The following RIN3 variants were observed in gnomAD, a reference collection of about 807,000 sequenced individuals.
RIN3 encodes the protein RAB5 interacting protein 3.
A neutral mutation model predicts 76.3 loss-of-function variants in RIN3; 54 were observed. The observed-to-expected ratio is 0.71, with a 90% CI of 0.57 to 0.89. RIN3 has a LOEUF of 0.89. RIN3 is among the 40% of genes least tolerant of loss of function. RIN3 has a pLI of 0.00. For missense variants in RIN3, 1,256 were observed against 1,322.1 expected, an observed-to-expected ratio of 0.95 and a Z score of 0.78; for synonymous variants, 576 against 564.0, an observed-to-expected ratio of 1.02 and a Z score of -0.30.
At position 92,643,694 on chromosome 14, in the gene RIN3, G is replaced by A. The variant is rs940844530; in HGVS notation, c.532+2365G>A. On this transcript the variant is annotated intron_variant, in intron 5 of 9. Coordinates refer to ENST00000216487, the MANE Select transcript of RIN3 (RefSeq NM_024832.5). The surrounding 1 kb of genome is among the most constrained non-coding windows in gnomAD (Gnocchi z 4.8). ...TATAATCTCAGCACTTTGGGAGGCCGAGGCGGGCAGATAACCTGAAGTCAG... is the reference window on the plus strand; with the variant it reads ...TATAATCTCAGCACTTTGGGAGGCCAAGGCGGGCAGATAACCTGAAGTCAG... 5.9e-5 allele frequency among the ~76,000 whole-genome samples: 9 copies of A among 152,172 alleles called. No individual in the cohort carries two copies. Among genetic ancestry groups the A allele is most frequent in the Admixed American group, 1.3e-4 (2 of 15,284 alleles).
chr14:92,681,309 G>A lies in RIN3; in HGVS notation c.2468-3678G>A, dbSNP rs141164037. 0.012 allele frequency among the ~76,000 whole-genome samples: 1,737 copies of A among 143,834 alleles called. 53 individuals are homozygous for A. The highest frequency in any genetic ancestry group is 0.079 in the Admixed American group (1,119 of 14,254). 94.4% of individuals were successfully genotyped at this position (143,834 alleles called of 152,430 possible). On this transcript the variant is annotated intron_variant, in intron 8 of 9. Transcript: ENST00000216487. The surrounding 1 kb of genome is among the most constrained non-coding windows in gnomAD (Gnocchi z 4.7). ...AAAGAGGAAGGCTGGCAGAGAGAGA[G>A]GCCTCACGAAGAAGTCAGACTCCAG...
intron 5 of RIN3, among the ~76,000 whole-genome samples, chr14:92,649,184 T>C (rs1320475650): frequency 6.6e-6 from 1 of 152,192 alleles, no homozygotes; most frequent in Non-Finnish European, 1.5e-5. Flanking sequence ...ACAGCCGTGA[T>C]CTGGGTGAGC....
intron 3 of RIN3, among the ~76,000 whole-genome samples, chr14:92,592,919 C>T (rs1885035148): frequency 6.6e-6 from 1 of 152,008 alleles, no homozygotes; most frequent in Admixed American, 6.6e-5. Flanking sequence ...GATGATCCAC[C>T]TGCCTCGGCC....
At position 92,651,751 on chromosome 14, in the gene RIN3, T is replaced by C. The variant is rs1232397974; in HGVS notation, c.702T>C (p.Phe234=). 2 of 1,613,950 alleles carry C rather than the reference T, an allele frequency of 1.2e-6. No homozygotes were observed. The highest frequency in any genetic ancestry group is 1.7e-6 in the Non-Finnish European group (2 of 1,180,002). The change falls in exon 6 of 10, where the codon TTT becomes TTC. Residue 234 remains phenylalanine (F), a synonymous_variant. Transcript: ENST00000216487. ...ELSVGNDRLW[F]VNPIFIEDCS... Reference sequence around the variant, plus strand: ...CGGTAGGAAATGACCGCCTGTGGTTTGTGAATCCTATTTTCATCGAGGACT... The same window carrying C: ...CGGTAGGAAATGACCGCCTGTGGTTCGTGAATCCTATTTTCATCGAGGACT...
intron 1 of RIN3, among the ~76,000 whole-genome samples, chr14:92,537,908 A>G (rs12889123): frequency 6.6e-6 from 1 of 150,910 alleles, no homozygotes; most frequent in African/African-American, 2.4e-5. Flanking sequence ...GCGACCTTGG[A>G]CCACTGCAGC....
chr14:92,667,475 C>T (rs930985915), intron 7 of RIN3, among the ~76,000 whole-genome samples: 2 of 151,832 alleles, frequency 1.3e-5, no homozygotes, highest in African/African-American at 4.8e-5. Context: ...CAAGATCACA[C>T]CATTGCACTC....
intron 6 of RIN3, 115 bp downstream of exon 6, chr14:92,653,190 A>C: frequency 8.8e-7 from 1 of 1,135,520 alleles, no homozygotes; most frequent in Non-Finnish European, 1.2e-6. Context: ...CCCACCCCCT[A>C]TCCCTTCCTG....
At chr14:92,653,137 C>A (rs554883599) in intron 6 of RIN3, 62 bp downstream of exon 6, 4 of 1,499,746 alleles carry the variant, frequency 2.7e-6, no homozygotes, top group Admixed American at 4.1e-5. Context: ...GACTCAGGAA[C>A]CCCTTAGGAC....
intron 1 of RIN3, among the ~76,000 whole-genome samples, chr14:92,516,289 G>A (rs1896440157): frequency 1.3e-5 from 2 of 152,156 alleles, no homozygotes; most frequent in Non-Finnish European, 2.9e-5. Flanking sequence ...GGGAGGTGGT[G>A]GTGGAACTCA....
chr14:92,629,126 AG>A (rs1886466598), intron 4 of RIN3, among the ~76,000 whole-genome samples: 3 of 11,924 alleles, frequency 2.5e-4, no homozygotes, highest in African/African-American at 8.2e-4. Context: ...AAAGAGAGAG[AG>A]AGAGAGAGAG....
rs112763839 is a variant in RIN3, at chr14:92,562,385, C to T, written c.249+6430C>T. Among the ~76,000 whole-genome samples the T allele has an allele frequency of 9.3e-3, 1,421 of 152,294 alleles. 22 individuals are homozygous for T. The highest frequency in any genetic ancestry group is 0.033 in the African/African-American group (1,359 of 41,560). ...TAGACTGTACTTTTTGGAAGGCAGT[C>T]GGTGTGCTCAGCCCACCTTTAAGGA... On this transcript the variant is annotated intron_variant, in intron 2 of 9. Transcript: ENST00000216487.
At chr14:92,606,611 T>C (rs771523667) in intron 3 of RIN3, among the ~76,000 whole-genome samples, 6 of 152,122 alleles carry the variant, frequency 3.9e-5, no homozygotes, top group Non-Finnish European at 8.8e-5. Flanking sequence ...TGAGAAGACA[T>C]TTTTGCCAAG....
intron 1 of RIN3, among the ~76,000 whole-genome samples, chr14:92,531,839 T>G (rs1297233231): frequency 6.6e-6 from 1 of 152,112 alleles, no homozygotes; most frequent in Non-Finnish European, 1.5e-5. Context: ...TGGTTCACTC[T>G]GCCAAAGCAC....
chr14:92,618,821 C>G (rs1182168500), intron 4 of RIN3, among the ~76,000 whole-genome samples: 1 of 152,078 alleles, frequency 6.6e-6, no homozygotes, highest in Non-Finnish European at 1.5e-5. Context: ...TTTATTTTTT[C>G]CATGTTGAGT....
intron 7 of RIN3, among the ~76,000 whole-genome samples, chr14:92,671,985 T>A (rs1888301983): frequency 1.3e-5 from 2 of 152,254 alleles, no homozygotes; most frequent in South Asian, 4.1e-4. Flanking sequence ...ATGGTGCCAG[T>A]GTTATACTGC....
chr14:92,627,748 C>T (rs532477077), intron 4 of RIN3, among the ~76,000 whole-genome samples: 1 of 152,222 alleles, frequency 6.6e-6, no homozygotes, highest in African/African-American at 2.4e-5. Flanking sequence ...GTCACGTCTC[C>T]CCCTGGGAGA....
chr14:92,667,353 C>T (rs1888141807), intron 7 of RIN3, among the ~76,000 whole-genome samples: 1 of 152,040 alleles, frequency 6.6e-6, no homozygotes. Context: ...TCCGTCTCTA[C>T]CAAAAATACA....
intron 1 of RIN3, among the ~76,000 whole-genome samples, chr14:92,539,185 G>T (rs1220697371): frequency 4.0e-5 from 6 of 151,888 alleles, no homozygotes; most frequent in Admixed American, 2.6e-4. Flanking sequence ...ATCTTGGGGT[G>T]GGGGGGATGT....
chr14:92,547,545 C>T (rs1176782813), intron 1 of RIN3, among the ~76,000 whole-genome samples: 3 of 151,394 alleles, frequency 2.0e-5, no homozygotes, highest in Non-Finnish European at 4.4e-5. Context: ...TAGGTGCACA[C>T]CACTGTGCCC....
Sources: gnomAD v4.1 joint callset for allele counts (sites outside exome capture counted in the v4.1 genomes callset) on GRCh38, gnomAD v4.1.1 for gene constraint, Gnocchi (gnomAD v3.1) non-coding constraint, MANE v1.5 for transcripts, NCBI Gene and HGNC (gene_info 2026-07-23, HGNC 2026-07-21) for gene names.